Variants in DNAJC6 observed in about 807,000 individuals in gnomAD.
The protein encoded by DNAJC6 is DnaJ heat shock protein family (Hsp40) member C6, also known as auxilin.
Under a neutral mutation model 110.0 loss-of-function variants are expected in DNAJC6, and 34 were observed. That is an observed-to-expected ratio of 0.31 (90% CI 0.24 to 0.41). The LOEUF is 0.41. DNAJC6 is among the 10% of genes least tolerant of loss of function. DNAJC6 has a pLI of 1.00. For missense variants in DNAJC6, 1,031 were observed against 1,207.8 expected (o/e 0.85, Z 2.17); for synonymous variants, 406 against 437.2 (o/e 0.93, Z 0.89).
chr1:65,359,819 CA>C (rs1377117883), intron 1 of DNAJC6, among the ~76,000 whole-genome samples: 1 of 152,200 alleles, frequency 6.6e-6, no homozygotes. Context: ...AGCATGAAAG[CA>C]ACCATAGGCA....
At chr1:65,309,101 A>G (rs1645071006), upstream of DNAJC6, among the ~76,000 whole-genome samples, 1 of 151,950 alleles carries the variant, frequency 6.6e-6, no homozygotes, top group African/African-American at 2.4e-5. Context: ...TCCGGTGAAA[A>G]TAGGCTAAGT....
At chr1:65,274,338 A>G (rs1353555541) in intron 1 of DNAJC6, among the ~76,000 whole-genome samples, 2 of 151,810 alleles carry the variant, frequency 1.3e-5, no homozygotes, top group East Asian at 1.9e-4. Context: ...TTTTTTTGAG[A>G]TGGAGTCTTG....
At chr1:65,367,122 C>T (rs1056083041) in intron 4 of DNAJC6, among the ~76,000 whole-genome samples, 1 of 152,214 alleles carries the variant, frequency 6.6e-6, no homozygotes, top group Middle Eastern at 3.4e-3. Context: ...GTTTTAAGGA[C>T]CTCTTTTTCA....
chr1:65,310,104 TC>T (rs1157399100), intron 1 of DNAJC6, among the ~76,000 whole-genome samples, 166 bp downstream of exon 1: 1 of 151,894 alleles, frequency 6.6e-6, no homozygotes, highest in African/African-American at 2.4e-5. Flanking sequence ...CTCTAATTTC[TC>T]TCATCCAGGG....
chr1:65,366,474 C>G (rs1645647654), intron 4 of DNAJC6, among the ~76,000 whole-genome samples: 1 of 152,124 alleles, frequency 6.6e-6, no homozygotes, highest in Non-Finnish European at 1.5e-5. Context: ...GCACAGTGTT[C>G]ATGAGGCTTA....
intron 1 of DNAJC6, among the ~76,000 whole-genome samples, chr1:65,345,459 G>T (rs1396004629): frequency 6.6e-6 from 1 of 152,140 alleles, no homozygotes; most frequent in Non-Finnish European, 1.5e-5. Flanking sequence ...GAGGCTTAGA[G>T]AGATTTACTA....
chr1:65,271,667 G>A (rs1653509684), intron 1 of DNAJC6, among the ~76,000 whole-genome samples: 1 of 152,028 alleles, frequency 6.6e-6, no homozygotes, highest in Non-Finnish European at 1.5e-5. Flanking sequence ...AGGAGTTGGA[G>A]ACCAGCCTGG....
chr1:65,373,811 CT>C (rs1372491261), intron 4 of DNAJC6, among the ~76,000 whole-genome samples: 3 of 151,986 alleles, frequency 2.0e-5, no homozygotes, highest in Non-Finnish European at 2.9e-5. Flanking sequence ...TGTATTTTTG[CT>C]TTGGTTGTGT....
In DNAJC6 at chr1:65,354,185, G is replaced by A. The variant is rs185366838; in HGVS notation, c.194-10450G>A. On this transcript the variant is annotated intron_variant, in intron 1 of 18. Coordinates refer to ENST00000371069, the MANE Select transcript of DNAJC6 (RefSeq NM_001256864.2). The stretch of plus-strand genomic sequence containing the variant: ...TTATAATGCAAGCTGACTGCTCTGA[G>A]TCCTAGGATGGAGGAACAGAATGAG... Among the ~76,000 whole-genome samples, 3 of 152,146 alleles carry A rather than the reference G, an allele frequency of 2.0e-5. No homozygotes were observed. The East Asian group carries it at 5.8e-4, about 29-fold the overall frequency.
intron 18 of DNAJC6, among the ~76,000 whole-genome samples, chr1:65,412,342 A>T (rs535904861): frequency 1.3e-5 from 2 of 152,212 alleles, no homozygotes; most frequent in African/African-American, 2.4e-5. Context: ...CACATAGACT[A>T]TACCAGTCAT....
intron 7 of DNAJC6, among the ~76,000 whole-genome samples, 167 bp downstream of exon 7, chr1:65,386,073 A>G (rs1645869416): frequency 6.6e-6 from 1 of 152,242 alleles, no homozygotes; most frequent in South Asian, 2.1e-4. Context: ...CAAGTAAATC[A>G]GGGGATGTTA....
intron 1 of DNAJC6, among the ~76,000 whole-genome samples, chr1:65,331,205 G>A (rs901227183): frequency 1.3e-5 from 2 of 152,158 alleles, no homozygotes; most frequent in Non-Finnish European, 2.9e-5. Context: ...AACAAGTCCT[G>A]GTTGGTTCTT....
upstream of DNAJC6, among the ~76,000 whole-genome samples, chr1:65,305,744 A>G (rs1645030966): frequency 7.8e-6 from 1 of 127,956 alleles, no homozygotes; most frequent in East Asian, 2.5e-4. Flanking sequence ...TTCACATTTG[A>G]CAAACTGCTT....
chr1:65,380,723 C>T (rs1334877), intron 5 of DNAJC6, among the ~76,000 whole-genome samples: 99,129 of 151,646 alleles, frequency 0.65, 33,076 homozygotes, highest in African/African-American at 0.81. Context: ...CTCCCAGTTC[C>T]AGTGATTCTT....
At chr1:65,412,407 G>A (rs1646137046) in intron 18 of DNAJC6, among the ~76,000 whole-genome samples, 1 of 152,132 alleles carries the variant, frequency 6.6e-6, no homozygotes, top group African/African-American at 2.4e-5. Context: ...TGAATTTGAT[G>A]CATATGATTT....
chr1:65,276,467 A>G (rs1205294453), intron 1 of DNAJC6, among the ~76,000 whole-genome samples: 2 of 152,182 alleles, frequency 1.3e-5, no homozygotes, highest in African/African-American at 4.8e-5. Flanking sequence ...GATCACTTCA[A>G]TCAGGCACTC....
At position 65,291,970 on chromosome 1, in the gene DNAJC6, C is replaced by T. The variant is rs752914139; in HGVS notation, c.-131+27038C>T. 3.3e-5 allele frequency among the ~76,000 whole-genome samples: 5 copies of T among 152,040 alleles called. No individual in the cohort carries two copies. The South Asian group carries it at 8.3e-4, about 25-fold the overall frequency. The stretch of plus-strand genomic sequence containing the variant: ...TTTCCCACCTTCACTCCCTTTCCTT[C>T]GTTCTTCCTTTCTTTCTGACTTCTT... On this transcript the variant is annotated intron_variant, in intron 1 of 19. Transcript: ENST00000263441.
intron 1 of DNAJC6, among the ~76,000 whole-genome samples, chr1:65,354,305 C>T (rs891417205): frequency 1.5e-4 from 23 of 152,270 alleles, no homozygotes; most frequent in Admixed American, 3.3e-4. Context: ...CCAGCCAAAC[C>T]TAGCTTCATT....
chr1:65,277,813 G>A lies in DNAJC6; in HGVS notation c.-131+12881G>A, dbSNP rs1653720147. Among the ~76,000 whole-genome samples the A allele has an allele frequency of 2.6e-5, 4 of 152,304 alleles. No individual in the cohort carries two copies. In the South Asian group the frequency reaches 6.2e-4, roughly 24 times the overall value. On this transcript the variant is annotated intron_variant, in intron 1 of 19. Coordinates refer to the DNAJC6 transcript ENST00000263441. ...TGAGTTTCATCATGGGCATACTTTA[G>A]GTTATAATTTGTTATCTCTCGAGGC... is the stretch of plus-strand genomic sequence containing the variant.
Sources: gnomAD v4.1 joint callset for allele counts (sites outside exome capture counted in the v4.1 genomes callset) on GRCh38, gnomAD v4.1.1 for gene constraint, MANE v1.5 for transcripts, NCBI Gene and HGNC (gene_info 2026-07-23, HGNC 2026-07-21) for gene names.